The following ADAM12 variants were observed in gnomAD, a reference collection of about 807,000 sequenced individuals.
ADAM12 encodes the protein ADAM metallopeptidase domain 12.
ADAM12 carries 70 observed loss-of-function variants against 106.4 expected under a neutral mutation model. The ratio of observed to expected loss-of-function variants is 0.66; its 90% CI spans 0.54 to 0.80. The LOEUF is 0.80. ADAM12 is among the 30% of genes least tolerant of loss of function. ADAM12 has a pLI of 0.00. For synonymous variants in ADAM12, 420 were observed against 433.5 expected (o/e 0.97, Z 0.39); for missense variants, 1,010 against 1,171.9 (o/e 0.86, Z 2.02).
intron 2 of ADAM12, among the ~76,000 whole-genome samples, chr10:126,329,653 T>C (rs1854431466): frequency 1.3e-5 from 2 of 152,142 alleles, no homozygotes; most frequent in African/African-American, 4.8e-5. Context: ...ACCTTATCAT[T>C]ACTCATATAA....
intron 3 of ADAM12, among the ~76,000 whole-genome samples, chr10:126,171,141 A>T (rs767293309): frequency 6.6e-6 from 1 of 152,194 alleles, no homozygotes; most frequent in Non-Finnish European, 1.5e-5. Context: ...CTAGGTTACA[A>T]AAGAGTTTGG....
chr10:126,313,180 C>T (rs762630939), intron 2 of ADAM12, among the ~76,000 whole-genome samples: 2 of 152,198 alleles, frequency 1.3e-5, no homozygotes, highest in South Asian at 2.1e-4. Context: ...GGCAAGTCAG[C>T]GCTGGCTGTC....
intron 3 of ADAM12, among the ~76,000 whole-genome samples, chr10:126,225,442 C>T (rs1173589621): frequency 2.6e-5 from 4 of 152,180 alleles, no homozygotes; most frequent in Non-Finnish European, 5.9e-5. Flanking sequence ...TGCACGGGAT[C>T]GCACGGCAAT....
chr10:126,280,899 TGTGCA>T lies in ADAM12; in HGVS notation c.187-1916_187-1912del, dbSNP rs1440562125. ...TACTGTCTGGTGTTTATAAGAACTG[TGTGCA>T]TTTCTGAGTGTTACTCGACTTTGAA... On this transcript the variant is annotated intron_variant, in intron 2 of 22. Transcript: ENST00000448723. 2.1e-3 allele frequency among the ~76,000 whole-genome samples: 319 copies of T among 152,358 alleles called. 1 individual carries two copies. In the South Asian group the frequency reaches 0.024, roughly 11 times the overall value.
At chr10:126,232,465 A>T (rs1565155071) in intron 3 of ADAM12, among the ~76,000 whole-genome samples, 1 of 152,190 alleles carries the variant, frequency 6.6e-6, no homozygotes, top group African/African-American at 2.4e-5. Context: ...ATGGTATGAC[A>T]ATAAGTTGAT....
chr10:126,150,571 A>G (rs542665622), intron 4 of ADAM12, among the ~76,000 whole-genome samples: 2 of 151,434 alleles, frequency 1.3e-5, no homozygotes, highest in East Asian at 3.9e-4. Flanking sequence ...CACCTCCCCC[A>G]CCCTCTATCC....
intron 10 of ADAM12, among the ~76,000 whole-genome samples, chr10:126,096,615 G>A (rs1484036889): frequency 6.6e-6 from 1 of 152,206 alleles, no homozygotes; most frequent in Non-Finnish European, 1.5e-5. Flanking sequence ...ACAGTCACAC[G>A]GGATGCCCGT....
chr10:126,340,025 T>C lies in ADAM12; in HGVS notation c.89-9516A>G, dbSNP rs927934932. Among the ~76,000 whole-genome samples, 3 of 151,968 alleles carry C rather than the reference T, an allele frequency of 2.0e-5. No homozygotes were observed. In the East Asian group the frequency reaches 5.8e-4, roughly 29 times the overall value. On this transcript the variant is annotated intron_variant, in intron 1 of 22. Transcript: ENST00000448723. ...GCATACCACCACACCTAGTGAATTT[T>C]TGTATTTTTAGTAGAGATGGGGTTT... is the stretch of plus-strand genomic sequence containing the variant.
chr10:126,100,389 T>C (rs932276156), intron 9 of ADAM12, among the ~76,000 whole-genome samples: 4 of 152,068 alleles, frequency 2.6e-5, no homozygotes, highest in African/African-American at 4.8e-5. Context: ...CATTTTCCAC[T>C]AATAATGATG....
At chr10:126,071,456 T>C in intron 12 of ADAM12, 21 bp downstream of exon 12, 1 of 1,611,904 alleles carries the variant, frequency 6.2e-7, no homozygotes, top group African/African-American at 1.3e-5. Context: ...CTTGTATCCT[T>C]GTTCTGGGAA....
intron 5 of ADAM12, among the ~76,000 whole-genome samples, chr10:126,130,573 T>G (rs1049810890): frequency 6.6e-6 from 1 of 152,308 alleles, no homozygotes; most frequent in East Asian, 1.9e-4. Flanking sequence ...TGCCTGCTCC[T>G]GGGGATGCGG....
At position 126,291,763 on chromosome 10, in the gene ADAM12, G is replaced by A. The variant is rs115873193; in HGVS notation, c.187-12775C>T. ...TGATGGATGCAGCTCTGGGATTGAG[G>A]ACTCAAGGCAAAAGCAGATGAAGGA... On this transcript the variant is annotated intron_variant, in intron 2 of 22. Transcript: ENST00000448723. Among the ~76,000 whole-genome samples the A allele has an allele frequency of 7.8e-3, 1,180 of 152,246 alleles. 16 individuals are homozygous for A. The highest frequency in any genetic ancestry group is 0.027 in the African/African-American group (1,128 of 41,528).
intron 2 of ADAM12, among the ~76,000 whole-genome samples, chr10:126,301,693 A>T (rs1484152481): frequency 6.6e-6 from 1 of 152,092 alleles, no homozygotes; most frequent in African/African-American, 2.4e-5. Context: ...TTTGAGGATG[A>T]TCATCAAAGG....
At chr10:126,136,969 A>G (rs1168810326) in intron 4 of ADAM12, among the ~76,000 whole-genome samples, 4 of 152,206 alleles carry the variant, frequency 2.6e-5, no homozygotes, top group African/African-American at 9.7e-5. Context: ...ATCAATCTAA[A>G]TGCATTTGTC....
chr10:126,042,198 G>C (rs200411247), intron 18 of ADAM12: 1 of 1,613,814 alleles, frequency 6.2e-7, no homozygotes. Flanking sequence ...GGCCCTGGCC[G>C]CGCTCCCTGT....
At chr10:126,172,318 G>A (rs1056021523) in intron 3 of ADAM12, among the ~76,000 whole-genome samples, 1 of 152,062 alleles carries the variant, frequency 6.6e-6, no homozygotes, top group Non-Finnish European at 1.5e-5. Context: ...GTTTGACCTG[G>A]AACTTCAGAC....
intron 11 of ADAM12, among the ~76,000 whole-genome samples, chr10:126,082,424 A>T (rs1453512222): frequency 1.6e-5 from 2 of 127,688 alleles, no homozygotes; most frequent in Non-Finnish European, 3.1e-5. Context: ...GTTGGAGTTC[A>T]GTGGTGCGAT....
intron 2 of ADAM12, among the ~76,000 whole-genome samples, chr10:126,316,703 T>C (rs1467703049): frequency 2.0e-5 from 3 of 151,600 alleles, no homozygotes; most frequent in Non-Finnish European, 4.4e-5. Context: ...CAAAAAATAA[T>C]TTTTTAAATT....
intron 2 of ADAM12, among the ~76,000 whole-genome samples, chr10:126,322,816 A>G (rs976240690): frequency 6.6e-6 from 1 of 152,204 alleles, no homozygotes; most frequent in Non-Finnish European, 1.5e-5. Context: ...CCCACCATGC[A>G]TGGAAATGAT....
Sources: allele counts gnomAD v4.1 joint callset (sites outside exome capture counted in the v4.1 genomes callset), GRCh38; gene constraint gnomAD v4.1.1; transcripts MANE v1.5; gene names NCBI Gene and HGNC (gene_info 2026-07-23, HGNC 2026-07-21).